BCAS4: variants seen among roughly 807,000 people sequenced by gnomAD.
BCAS4 encodes the protein breast carcinoma-amplified sequence 4.
A neutral mutation model predicts 15.7 loss-of-function variants in BCAS4; 9 were observed. The observed-to-expected ratio is 0.57, with a 90% CI of 0.34 to 1.00. The LOEUF (loss-of-function observed/expected upper bound fraction) is 1.00, where lower values mean the gene tolerates loss of function less well. Ranked by LOEUF, BCAS4 falls within the 50% of genes least tolerant of loss-of-function variation. BCAS4 has a pLI of 0.02. For synonymous variants in BCAS4, 101 were observed against 99.5 expected, an observed-to-expected ratio of 1.02 and a Z score of -0.09; for missense variants, 225 against 239.1, an observed-to-expected ratio of 0.94 and a Z score of 0.39.
At chr20:50,841,247 T>C (rs2088477532) in intron 3 of BCAS4, among the ~76,000 whole-genome samples, 1 of 152,220 alleles carries the variant, frequency 6.6e-6, no homozygotes, top group Non-Finnish European at 1.5e-5. Flanking sequence ...CCTGCTTGTT[T>C]CCTGCCAGGC....
chr20:50,817,509 C>T (rs970935589), intron 1 of BCAS4, among the ~76,000 whole-genome samples: 2 of 152,310 alleles, frequency 1.3e-5, no homozygotes, highest in African/African-American at 4.8e-5. Context: ...GTTGCCCAGG[C>T]TAGAGTGCAG....
intron 3 of BCAS4, 125 bp from the exon 4 acceptor site, chr20:50,841,641 C>A: frequency 2.3e-6 from 3 of 1,309,874 alleles, no homozygotes; most frequent in Non-Finnish European, 3.2e-6. Context: ...TTGCAGGGAG[C>A]CCCATTGGAG....
intron 4 of BCAS4, among the ~76,000 whole-genome samples, chr20:50,842,642 T>C (rs2088499279): frequency 1.3e-5 from 2 of 152,220 alleles, no homozygotes; most frequent in African/African-American, 4.8e-5. Context: ...GGTCTCGAAG[T>C]CCTGACCTCA....
intron 1 of BCAS4, among the ~76,000 whole-genome samples, chr20:50,796,487 ATTTTTTTTT>A (rs34988437): frequency 3.0e-4 from 2 of 6,778 alleles, no homozygotes; most frequent in African/African-American, 4.9e-4. Context: ...ATATATATAT[ATTTTTTTTT>A]TTTTTTTTTT....
intron 2 of BCAS4, among the ~76,000 whole-genome samples, chr20:50,829,171 C>G (rs1484758679): frequency 3.3e-5 from 5 of 152,190 alleles, no homozygotes; most frequent in Admixed American, 6.5e-5. Context: ...AGTGCGGATT[C>G]TCAAACTAGG....
chr20:50,810,146 T>A (rs1033934780), intron 1 of BCAS4, among the ~76,000 whole-genome samples: 1 of 151,688 alleles, frequency 6.6e-6, no homozygotes, highest in Non-Finnish European at 1.5e-5. Context: ...TTTTAAAATG[T>A]ACAATTAAGT....
downstream of BCAS4, chr20:50,878,669 GTTTTATT>G (rs1980050753): frequency 6.6e-6 from 1 of 151,858 alleles, no homozygotes; most frequent in South Asian, 2.1e-4. Flanking sequence ...TTTCAAATTT[GTTTTATT>G]TTTTGTAGAG....
At chr20:50,870,232 A>T (rs1979564537) in intron 4 of BCAS4, among the ~76,000 whole-genome samples, 1 of 152,206 alleles carries the variant, frequency 6.6e-6, no homozygotes, top group Admixed American at 6.5e-5. Context: ...CCCTGACCCA[A>T]AAACCAGGCA....
At chr20:50,802,805 CAG>C (rs1423493196) in intron 1 of BCAS4, among the ~76,000 whole-genome samples, 11 of 151,984 alleles carry the variant, frequency 7.2e-5, no homozygotes, top group African/African-American at 2.4e-4. Flanking sequence ...ACCCGGGAGG[CAG>C]AGTTTGTGGT....
At chr20:50,861,300 G>A (rs1256799540) in intron 4 of BCAS4, among the ~76,000 whole-genome samples, 1 of 152,204 alleles carries the variant, frequency 6.6e-6, no homozygotes, top group East Asian at 1.9e-4. Context: ...ATCGGTGTGG[G>A]CATGGACTAG....
intron 4 of BCAS4, among the ~76,000 whole-genome samples, chr20:50,870,700 C>T (rs1050723516): frequency 1.3e-5 from 2 of 152,262 alleles, no homozygotes; most frequent in Non-Finnish European, 2.9e-5. Context: ...CTGATTTTTA[C>T]ATGTTTGCAG....
intron 4 of BCAS4, among the ~76,000 whole-genome samples, chr20:50,853,345 A>G (rs1978550111): frequency 6.6e-6 from 1 of 151,776 alleles, no homozygotes; most frequent in South Asian, 2.1e-4. Context: ...GGGTTTCGCC[A>G]TGTTAGCCAG....
At chr20:50,797,735 G>A (rs945930902) in intron 1 of BCAS4, among the ~76,000 whole-genome samples, 16 of 151,588 alleles carry the variant, frequency 1.1e-4, no homozygotes, top group African/African-American at 3.4e-4. Context: ...GTGTGATCTC[G>A]GCTCACCGCA....
chr20:50,872,786 C>A (rs1233770733), intron 4 of BCAS4, among the ~76,000 whole-genome samples: 3 of 152,206 alleles, frequency 2.0e-5, no homozygotes, highest in Non-Finnish European at 4.4e-5. Flanking sequence ...GGGTTACTCA[C>A]CCACGTGTCT....
chr20:50,796,739 C>T (rs1379281753), intron 1 of BCAS4, among the ~76,000 whole-genome samples: 2 of 151,480 alleles, frequency 1.3e-5, no homozygotes, highest in Admixed American at 1.3e-4. Flanking sequence ...CGTGATCCAC[C>T]CTCCTCGGCC....
intron 4 of BCAS4, among the ~76,000 whole-genome samples, chr20:50,861,776 G>A (rs1979084391): frequency 6.6e-6 from 1 of 151,494 alleles, no homozygotes; most frequent in African/African-American, 2.4e-5. Context: ...TTGCATCAGG[G>A]CCACTAGGCT....
At chr20:50,805,252 C>T (rs2087976018) in intron 1 of BCAS4, among the ~76,000 whole-genome samples, 1 of 152,148 alleles carries the variant, frequency 6.6e-6, no homozygotes, top group South Asian at 2.1e-4. Context: ...TGTCATTCCC[C>T]AACCCCCACC....
intron 3 of BCAS4, among the ~76,000 whole-genome samples, chr20:50,833,639 C>T (rs1448360361): frequency 6.6e-6 from 1 of 152,224 alleles, no homozygotes; most frequent in Non-Finnish European, 1.5e-5. Flanking sequence ...GCTGCTGCCT[C>T]CTAGTGTGTG....
At chr20:50,872,254 ACT>A (rs1231933914) in intron 4 of BCAS4, among the ~76,000 whole-genome samples, 1 of 89,906 alleles carries the variant, frequency 1.1e-5, no homozygotes, top group Non-Finnish European at 2.0e-5. Flanking sequence ...ACAGAGCGAG[ACT>A]CTGTCTCAAA....
Sources: allele counts gnomAD v4.1 joint callset (sites outside exome capture counted in the v4.1 genomes callset), GRCh38; gene constraint gnomAD v4.1.1; transcripts MANE v1.5; gene names NCBI Gene and HGNC (gene_info 2026-07-23, HGNC 2026-07-21).